PCSK5: variants seen among roughly 807,000 people sequenced by gnomAD.
PCSK5 encodes proprotein convertase subtilisin/kexin type 5.
In PCSK5, 129 loss-of-function variants were observed where a neutral mutation model predicts 233.2. The observed-to-expected ratio is 0.55, with a 90% confidence interval of 0.48 to 0.64. The LOEUF (loss-of-function observed/expected upper bound fraction) is 0.64, where lower values mean the gene tolerates loss of function less well. Ranked by LOEUF, PCSK5 falls within the 30% of genes least tolerant of loss-of-function variation. The probability of loss-of-function intolerance (pLI) is 0.00; values close to 1 mark genes in which losing one functional copy is unlikely to be tolerated. For missense variants in PCSK5, 2,076 were observed against 2,430.1 expected, an observed-to-expected ratio of 0.85 and a Z score of 3.06; for synonymous variants, 825 against 879.2, an observed-to-expected ratio of 0.94 and a Z score of 1.09.
chr9:76,093,308 T>G (rs1221819004), intron 7 of PCSK5, among the ~76,000 whole-genome samples: 1 of 152,004 alleles, frequency 6.6e-6, no homozygotes, highest in Non-Finnish European at 1.5e-5. Context: ...TTGCCCAGGC[T>G]GGTCTCTAAC....
Position 76,323,932 on chromosome 9 carries a change from A to ATTTTTTTTTTTTTTTTTTTTTTTTT in PCSK5, c.4339+660_4339+661insTTTTTTTTTTTTTTTTTTTTTTTTT, listed in dbSNP as rs60451634. Among the ~76,000 whole-genome samples the ATTTTTTTTTTTTTTTTTTTTTTTTT allele has an allele frequency of 1.4e-5, 2 of 139,406 alleles. 1 individual carries two copies. 91.5% of individuals were successfully genotyped at this position (139,406 alleles called of 152,430 possible). ...TGCCTCTTGTCTCCCTTCCTGGGTG[A>ATTTTTTTTTTTTTTTTTTTTTTTTT]TTTTTTTTTTTTTTTTGAGACAGAG... is the stretch of plus-strand genomic sequence containing the variant. On this transcript the variant is annotated intron_variant, in intron 32 of 37. Transcript: ENST00000674117.
chr9:75,932,183 A>G (rs1166460683), intron 1 of PCSK5, among the ~76,000 whole-genome samples, 196 bp from the exon 2 acceptor site: 2 of 152,230 alleles, frequency 1.3e-5, no homozygotes, highest in Non-Finnish European at 2.9e-5. Context: ...AGGACACTCC[A>G]TTTCATATCA....
In PCSK5 at chr9:75,979,808, C is replaced by T. The variant is rs190969992; in HGVS notation, c.298-6324C>T. 7.2e-5 allele frequency among the ~76,000 whole-genome samples: 11 copies of T among 152,320 alleles called. No homozygotes were observed. The East Asian group carries it at 1.7e-3, about 24-fold the overall frequency. On this transcript the variant is annotated intron_variant, in intron 2 of 37. Coordinates refer to ENST00000674117, the MANE Select transcript of PCSK5 (RefSeq NM_001372043.1). ...ACCACCTTACTTGAAATAATCCCTT[C>T]CTCCATAATCACTTTCTACCTCCTT... is the stretch of plus-strand genomic sequence containing the variant.
intron 1 of PCSK5, among the ~76,000 whole-genome samples, chr9:75,909,464 G>A (rs536565942): frequency 2.3e-4 from 35 of 152,264 alleles, no homozygotes; most frequent in Non-Finnish European, 4.7e-4. Context: ...GGGAGGCCGA[G>A]GCGGGCGAAT....
intron 5 of PCSK5, 49 bp from the exon 6 acceptor site, chr9:76,067,906 G>C (rs1830342255): frequency 6.9e-7 from 1 of 1,457,024 alleles, no homozygotes; most frequent in Admixed American, 1.7e-5. Flanking sequence ...CGTTGGCTTT[G>C]TGAGAATGGT....
rs1372191220 is a variant in PCSK5, at chr9:76,362,760, A to G, written c.*3838A>G. ...AGACATTGTATGGAAGAGCATTGTA[A>G]AAATCCCTGTCCTGTGCTGTTTCGT... On this transcript the variant is annotated 3_prime_UTR_variant, in exon 38 of 38. Coordinates refer to ENST00000674117, the MANE Select transcript of PCSK5 (RefSeq NM_001372043.1). Among the ~76,000 whole-genome samples, 2 of 152,216 alleles carry G rather than the reference A, an allele frequency of 1.3e-5. No homozygotes were observed. Among genetic ancestry groups the G allele is most frequent in the Non-Finnish European group, 2.9e-5 (2 of 68,042 alleles).
chr9:76,161,118 T>C (rs1398763336), intron 12 of PCSK5, among the ~76,000 whole-genome samples: 1 of 152,232 alleles, frequency 6.6e-6, no homozygotes, highest in Non-Finnish European at 1.5e-5. Context: ...GTGCTTAGAC[T>C]TGCTGTGTTC....
intron 5 of PCSK5, among the ~76,000 whole-genome samples, chr9:76,065,461 C>T (rs1208179040): frequency 1.3e-5 from 2 of 152,066 alleles, no homozygotes; most frequent in Non-Finnish European, 2.9e-5. Context: ...TATATGTCTT[C>T]TTTTGTGAAA....
intron 5 of PCSK5, among the ~76,000 whole-genome samples, chr9:76,055,700 T>G (rs1340548886): frequency 6.6e-6 from 1 of 152,150 alleles, no homozygotes; most frequent in Non-Finnish European, 1.5e-5. Flanking sequence ...TCTTGGCAAT[T>G]ATTCAAAGCC....
chr9:75,991,332 A>G (rs1826760327), intron 3 of PCSK5, among the ~76,000 whole-genome samples: 1 of 152,082 alleles, frequency 6.6e-6, no homozygotes, highest in Admixed American at 6.5e-5. Flanking sequence ...CGAGTTTCCA[A>G]TTGATGCTGA....
rs138406429 is a variant in PCSK5 at position 75,910,079 on chromosome 9, G to A, written c.192+18706G>A. On this transcript the variant is annotated intron_variant, in intron 1 of 37. Transcript: ENST00000674117. The stretch of plus-strand genomic sequence containing the variant: ...CACGATAGATATATAACATGAGCTA[G>A]AAATAAACCTTTTTTGTTTTAAGTC... Among the ~76,000 whole-genome samples the A allele has an allele frequency of 3.6e-3, 550 of 152,328 alleles. 11 individuals carry two copies. Among genetic ancestry groups the A allele is most frequent in the Admixed American group, 0.032 (486 of 15,300 alleles).
intron 5 of PCSK5, among the ~76,000 whole-genome samples, chr9:76,027,583 C>T (rs1828483270): frequency 8.1e-6 from 1 of 123,658 alleles, no homozygotes; most frequent in Non-Finnish European, 1.6e-5. Context: ...AGGCAAGAGG[C>T]ACAGAAACCC....
At chr9:76,079,131 AC>A (rs1830743131) in intron 7 of PCSK5, among the ~76,000 whole-genome samples, 1 of 150,796 alleles carries the variant, frequency 6.6e-6, no homozygotes, top group African/African-American at 2.4e-5. Flanking sequence ...GATGGAGTTC[AC>A]CCTGTCACCC....
chr9:75,949,606 C>A (rs1432832884), intron 2 of PCSK5, among the ~76,000 whole-genome samples: 1 of 152,132 alleles, frequency 6.6e-6, no homozygotes, highest in Non-Finnish European at 1.5e-5. Context: ...CAGCTCACTG[C>A]AACCTCTGCC....
chr9:75,994,910 T>A (rs1290501621), intron 3 of PCSK5, among the ~76,000 whole-genome samples: 1 of 152,264 alleles, frequency 6.6e-6, no homozygotes, highest in Non-Finnish European at 1.5e-5. Flanking sequence ...TACCATTGCC[T>A]TGAAGGCCTC....
intron 5 of PCSK5, among the ~76,000 whole-genome samples, chr9:76,051,072 G>A (rs753017970): frequency 3.9e-5 from 6 of 152,158 alleles, no homozygotes; most frequent in Non-Finnish European, 7.3e-5. Context: ...ATTTCTAGGG[G>A]TCTAACCTCA....
chr9:75,968,848 C>T (rs1825701175), intron 2 of PCSK5, among the ~76,000 whole-genome samples: 1 of 152,180 alleles, frequency 6.6e-6, no homozygotes, highest in African/African-American at 2.4e-5. Context: ...GTGAAAACTT[C>T]GTGTGACCTT....
At chr9:75,938,962 A>G (rs935577219) in intron 2 of PCSK5, among the ~76,000 whole-genome samples, 6 of 152,186 alleles carry the variant, frequency 3.9e-5, no homozygotes, top group Admixed American at 3.9e-4. Flanking sequence ...GAAAGGAAAA[A>G]CACGTGAGTG....
At chr9:75,938,566 C>T (rs142236605) in intron 2 of PCSK5, among the ~76,000 whole-genome samples, 5 of 152,140 alleles carry the variant, frequency 3.3e-5, no homozygotes, top group Non-Finnish European at 7.3e-5. Flanking sequence ...CAGGCTTGCT[C>T]GATACAGGAT....
Sources: gnomAD v4.1 joint callset for allele counts (sites outside exome capture counted in the v4.1 genomes callset) on GRCh38, gnomAD v4.1.1 for gene constraint, MANE v1.5 for transcripts, NCBI Gene and HGNC (gene_info 2026-07-23, HGNC 2026-07-21) for gene names.